Variants in ZNF875 observed in about 807,000 individuals in gnomAD.
The protein encoded by ZNF875 is HKR1, GLI-Kruppel zinc finger family member.
In ZNF875, 14 loss-of-function variants were observed where a neutral mutation model predicts 11.2. That is an observed-to-expected ratio of 1.26 (90% CI 0.83 to 1.96). The LOEUF is 1.96. ZNF875 is among the 30% of genes most tolerant of loss of function. The probability of loss-of-function intolerance (pLI) is 0.00; values close to 1 mark genes in which losing one functional copy is unlikely to be tolerated. For missense variants in ZNF875, 752 were observed against 760.4 expected, an observed-to-expected ratio of 0.99 and a Z score of 0.13; for synonymous variants, 301 against 281.1, an observed-to-expected ratio of 1.07 and a Z score of -0.71.
chr19:37,339,551 T>TG (rs1241929598), intron 2 of ZNF875, among the ~76,000 whole-genome samples: 2 of 146,880 alleles, frequency 1.4e-5, no homozygotes, highest in Non-Finnish European at 3.0e-5. Context: ...CCAGTTTTTT[T>TG]TTTTTTTTTT....
upstream of ZNF875, among the ~76,000 whole-genome samples, chr19:37,333,145 C>G (rs770273283): frequency 6.6e-6 from 1 of 151,988 alleles, no homozygotes; most frequent in Non-Finnish European, 1.5e-5. Context: ...TTACAAATAC[C>G]CCATCAGCCT....
At chr19:37,327,836 T>G (rs2032753540) in intron 4 of ZNF875, among the ~76,000 whole-genome samples, 1 of 151,884 alleles carries the variant, frequency 6.6e-6, no homozygotes, top group Admixed American at 6.6e-5. Context: ...ATGTGAGTGA[T>G]AGAATTATTT....
At chr19:37,317,377 G>C (rs1297558108), upstream of ZNF875, among the ~76,000 whole-genome samples, 2 of 151,716 alleles carry the variant, frequency 1.3e-5, no homozygotes, top group Admixed American at 6.6e-5. Flanking sequence ...CAGTAGAGAC[G>C]GGGTTTCACC....
At position 37,363,490 on chromosome 19, in the gene ZNF875, G is replaced by A. The variant is rs752883395; in HGVS notation, c.1638G>A (p.Lys546=). 2 of 1,613,826 alleles carry A rather than the reference G, an allele frequency of 1.2e-6. No homozygotes were observed. The highest frequency in any genetic ancestry group is 2.2e-5 in the East Asian group (1 of 44,840). Reference sequence around the variant, plus strand: ...AGTGTGGCAGAAGGTTTCGGCAGAAGCCTAACCTGTTTAGGCACAAGAGGG... The same window carrying A: ...AGTGTGGCAGAAGGTTTCGGCAGAAACCTAACCTGTTTAGGCACAAGAGGG... The part of the protein sequence containing the change: ...CRECGRRFRQ[K]PNLFRHKRAH... Residue 546 remains lysine, a synonymous_variant, in exon 5 of 5, where the codon AAG becomes AAA. Coordinates refer to ENST00000392153, the MANE Select transcript of ZNF875 (RefSeq NM_001353803.2).
chr19:37,354,245 TCTCCCCTCCCCTCCC>T lies in ZNF875; in HGVS notation c.256+6398_256+6412del, dbSNP rs1185951446. On this transcript the variant is annotated intron_variant, in intron 4 of 4. Coordinates refer to ENST00000392153, the MANE Select transcript of ZNF875 (RefSeq NM_001353803.2). ...TTCCCCCTCCCCTCCTCTCCCCTCC[TCTCCCCTCCCCTCCC>T]CTCCCCTCCCCTCCCCTCCCCTCCT... 3.4e-3 allele frequency among the ~76,000 whole-genome samples: 75 copies of T among 22,014 alleles called. 2 individuals are homozygous for T. Among genetic ancestry groups the T allele is most frequent in the African/African-American group, 0.015 (61 of 4,124 alleles). 14.4% of individuals were successfully genotyped at this position (22,014 alleles called of 152,430 possible). A position where few individuals can be genotyped will look rare whatever the true frequency, so the allele number is the denominator to read the frequency against.
intron 2 of ZNF875, 54 bp downstream of exon 2, chr19:37,335,311 C>CT: frequency 1.5e-6 from 1 of 669,012 alleles, no homozygotes; most frequent in Non-Finnish European, 2.8e-6. Flanking sequence ...GTCCCATTAC[C>CT]TTTTCTTGTC....
chr19:37,353,700 C>T (rs1294811310), intron 4 of ZNF875, among the ~76,000 whole-genome samples: 1 of 152,184 alleles, frequency 6.6e-6, no homozygotes, highest in Non-Finnish European at 1.5e-5. Flanking sequence ...ATATTTTTCT[C>T]TGGCATTGCA....
At chr19:37,318,222 A>G (rs1158756694) in intron 1 of ZNF875, 1 of 152,674 alleles carries the variant, frequency 6.5e-6, no homozygotes, top group Non-Finnish European at 1.5e-5. Context: ...CTCGGGTAAA[A>G]TGCCCTTTTA....
chr19:37,361,203 G>A (rs573205332), intron 4 of ZNF875, among the ~76,000 whole-genome samples: 4 of 149,306 alleles, frequency 2.7e-5, no homozygotes, highest in South Asian at 4.3e-4. Flanking sequence ...GTCCGCCTCC[G>A]GGGTTCAAGC....
At position 37,334,704 on chromosome 19, in the gene ZNF875, C is replaced by A. The variant is rs573577605; in HGVS notation, c.-135C>A. The A allele has an allele frequency of 2.2e-6, 1 of 456,094 alleles. No individual in the cohort carries two copies. Among genetic ancestry groups the A allele is most frequent in the East Asian group, 7.0e-5 (1 of 14,368 alleles). The allele number at this position is 456,094 out of a possible 1,614,324, so 28.3% of individuals were successfully genotyped here. A position where few individuals can be genotyped will look rare whatever the true frequency, so the allele number is the denominator to read the frequency against. ...CTGGTTGGGACCCGGGAAGGCCTCC[C>A]TCTTAAGGTCTTTCCCACACCTCTG... is the stretch of plus-strand genomic sequence containing the variant. On this transcript the variant is annotated 5_prime_UTR_variant, in exon 1 of 5. Transcript: ENST00000392153.
rs754797536 is a variant in ZNF875, at chr19:37,362,834, C to T, written c.982C>T (p.His328Tyr). The change falls in exon 5 of 5, where the codon CAT (histidine) becomes TAT (tyrosine). Residue 328 changes from histidine (H) to tyrosine (Y), a missense_variant. Transcript: ENST00000392153. ...TACTTGGAAGTCGAACCTCTTTACA[C>T]ATCAGCGGACACACTCAGGGCTCAA... ...GFTWKSNLFTHQRTHSGLKPY... is the reference protein window; with the variant it reads ...GFTWKSNLFTYQRTHSGLKPY... The T allele has an allele frequency of 5.6e-6, 9 of 1,613,828 alleles. No individual in the cohort carries two copies. The highest frequency in any genetic ancestry group is 2.5e-6 in the Non-Finnish European group (3 of 1,179,984).
Position 37,363,605 on chromosome 19 carries a change from G to A in ZNF875, c.1753G>A (p.Gly585Arg), listed in dbSNP as rs373907427. The A allele has an allele frequency of 5.9e-5, 96 of 1,613,610 alleles. No individual in the cohort carries two copies. The Middle Eastern group carries it at 3.1e-3, about 52-fold the overall frequency. The change falls in exon 5 of 5, where the codon GGG becomes AGG. Residue 585 changes from glycine to arginine, a missense_variant. Physicochemically the swap from Gly to Arg is moderately radical, Grantham distance 125. Transcript: ENST00000392153. ...TAAACACCAGAGAGCACACGCAGGG[G>A]GGAAGCCTCATGTGTGCAGGGAGTG... ...LIKHQRAHAG[G>R]KPHVCRECGQ...
chr19:37,362,581 C>T lies in ZNF875; in HGVS notation c.729C>T (p.Ser243=). 2 of 1,614,100 alleles carry T rather than the reference C, an allele frequency of 1.2e-6. No individual in the cohort carries two copies. The highest frequency in any genetic ancestry group is 1.7e-6 in the Non-Finnish European group (2 of 1,179,992). Residue 243 remains serine (S), a synonymous_variant, in exon 5 of 5, where the codon AGC becomes AGT. Coordinates refer to ENST00000392153, the MANE Select transcript of ZNF875 (RefSeq NM_001353803.2). ...TTATCAAGGAGTCAAACCTCCTTAGCCTCCAGAAGACACAAACTGGGGAGA... is the reference window on the plus strand; with the variant it reads ...TTATCAAGGAGTCAAACCTCCTTAGTCTCCAGAAGACACAAACTGGGGAGA... ...PGFIKESNLL[S]LQKTQTGETP...
rs183198499 is a variant in ZNF875, at chr19:37,335,343, T to C, written c.33+86T>C. The C allele has an allele frequency of 4.6e-4, 287 of 630,688 alleles. 1 individual carries two copies. Among genetic ancestry groups the C allele is most frequent in the African/African-American group, 3.3e-3 (181 of 55,292 alleles). 39.1% of individuals were successfully genotyped at this position (630,688 alleles called of 1,614,324 possible). A position where few individuals can be genotyped will look rare whatever the true frequency, so the allele number is the denominator to read the frequency against. ...TGTCCTGGAGGCTGCCTTGTTGGTA[T>C]TGGGCAAAGTCATTCCTAGCCCTAG... On this transcript the variant is annotated intron_variant, in intron 2 of 4. Coordinates refer to ENST00000392153, the MANE Select transcript of ZNF875 (RefSeq NM_001353803.2).
chr19:37,362,589 A>C lies in ZNF875; in HGVS notation c.737A>C (p.Lys246Thr). 6.2e-7 allele frequency: 1 copy of C among 1,614,164 alleles called. No homozygotes were observed. The highest frequency in any genetic ancestry group is 1.3e-5 in the African/African-American group (1 of 75,048). ...GAGTCAAACCTCCTTAGCCTCCAGA[A>C]GACACAAACTGGGGAGACACCTTAC... ...IKESNLLSLQ[K>T]TQTGETPYMY... Residue 246 changes from lysine (K) to threonine (T), a missense_variant, in exon 5 of 5, where the codon AAG becomes ACG. By Grantham distance (78) the Lys-to-Thr change is moderately conservative. Coordinates refer to ENST00000392153, the MANE Select transcript of ZNF875 (RefSeq NM_001353803.2).
chr19:37,328,577 A>C (rs1418270728), intron 4 of ZNF875: 1 of 152,106 alleles, frequency 6.6e-6, no homozygotes, highest in Non-Finnish European at 1.5e-5. Flanking sequence ...TTTACCTTCC[A>C]GCATAGGACA....
intron 4 of ZNF875, among the ~76,000 whole-genome samples, chr19:37,350,271 G>A (rs62109241): frequency 0.013 from 2,008 of 151,476 alleles, 33 homozygotes; most frequent in Non-Finnish European, 0.022. Context: ...CACCACGCCC[G>A]GCTAACTTTT....
chr19:37,358,865 C>T (rs2039419276), intron 4 of ZNF875, among the ~76,000 whole-genome samples: 1 of 151,350 alleles, frequency 6.6e-6, no homozygotes, highest in Non-Finnish European at 1.5e-5. Context: ...ATTTACATGC[C>T]ATAAAATTAC....
chr19:37,339,004 A>AT (rs975765965), intron 2 of ZNF875, among the ~76,000 whole-genome samples: 4 of 151,824 alleles, frequency 2.6e-5, no homozygotes, highest in African/African-American at 7.3e-5. Context: ...ACATTATGTT[A>AT]TTTTTTTTCT....
Sources: gnomAD v4.1 joint callset for allele counts (sites outside exome capture counted in the v4.1 genomes callset) on GRCh38, gnomAD v4.1.1 for gene constraint, MANE v1.5 for transcripts, NCBI Gene and HGNC (gene_info 2026-07-23, HGNC 2026-07-21) for gene names.